The following CADPS2 variants were observed in gnomAD, a reference collection of about 807,000 sequenced individuals.
The protein encoded by CADPS2 is calcium dependent secretion activator 2.
A neutral mutation model predicts 172.5 loss-of-function variants in CADPS2; 93 were observed. The ratio of observed to expected loss-of-function variants is 0.54; its 90% CI spans 0.46 to 0.64. The LOEUF is 0.64. Among genes scored for constraint, CADPS2 ranks in the 30% least tolerant of loss-of-function variants. CADPS2 has a pLI of 0.00. For missense variants in CADPS2, 1,420 were observed against 1,565.9 expected, an observed-to-expected ratio of 0.91 and a Z score of 1.57; for synonymous variants, 546 against 555.2, an observed-to-expected ratio of 0.98 and a Z score of 0.23.
chr7:122,445,593 G>T (rs1035433325), intron 15 of CADPS2, among the ~76,000 whole-genome samples: 1 of 152,140 alleles, frequency 6.6e-6, no homozygotes, highest in Non-Finnish European at 1.5e-5. Flanking sequence ...CAGGCAGGAA[G>T]ATCTCTTGAG....
intron 2 of CADPS2, among the ~76,000 whole-genome samples, chr7:122,664,188 T>C (rs1408165567): frequency 6.6e-6 from 1 of 151,864 alleles, no homozygotes; most frequent in Non-Finnish European, 1.5e-5. Flanking sequence ...ATTATTTGAG[T>C]GTGGACTTGA....
At chr7:122,373,716 A>G (rs886358819) in intron 25 of CADPS2, among the ~76,000 whole-genome samples, 6 of 152,214 alleles carry the variant, frequency 3.9e-5, no homozygotes, top group African/African-American at 1.2e-4. Context: ...GCTGACCAAT[A>G]ACAAATAAGG....
At position 122,527,617 on chromosome 7, in the gene CADPS2, A is replaced by AGAGAGAGAGAGTGT; in HGVS notation, c.1476-14303_1476-14302insACACTCTCTCTCTC. 2.8e-3 allele frequency among the ~76,000 whole-genome samples: 235 copies of AGAGAGAGAGAGTGT among 83,876 alleles called. 4 individuals are homozygous for AGAGAGAGAGAGTGT. The highest frequency in any genetic ancestry group is 4.4e-3 in the Non-Finnish European group (167 of 38,332). 55.0% of individuals were successfully genotyped at this position (83,876 alleles called of 152,430 possible). A position where few individuals can be genotyped will look rare whatever the true frequency, so the allele number is the denominator to read the frequency against. On this transcript the variant is annotated intron_variant, in intron 8 of 29. Transcript: ENST00000449022. ...GAGAGAGAGAGAGAGAGAGAGAGAGAGTGTGTGTGTGTGTGTGTGTGTGTG... is the reference window on the plus strand; with the variant it reads ...GAGAGAGAGAGAGAGAGAGAGAGAGAGAGAGAGAGAGTGTGTGTGTGTGTGTGTGTGTGTGTGTG...
chr7:122,341,777 G>T (rs956718825), intron 28 of CADPS2, among the ~76,000 whole-genome samples: 2 of 152,136 alleles, frequency 1.3e-5, no homozygotes, highest in African/African-American at 2.4e-5. Flanking sequence ...GCTTGGAAAT[G>T]ATATAGGTGA....
At chr7:122,356,932 A>G (rs557514670) in intron 27 of CADPS2, among the ~76,000 whole-genome samples, 1 of 152,266 alleles carries the variant, frequency 6.6e-6, no homozygotes, top group East Asian at 1.9e-4. Context: ...TCATTTCATT[A>G]AAGATTAGAG....
chr7:122,365,653 T>A (rs2040755568), intron 25 of CADPS2, among the ~76,000 whole-genome samples: 2 of 152,164 alleles, frequency 1.3e-5, no homozygotes, highest in Non-Finnish European at 2.9e-5. Flanking sequence ...GGTGTCGGGT[T>A]GGAATGAAAC....
At chr7:122,393,155 C>T (rs752452535) in intron 22 of CADPS2, 41 bp downstream of exon 22, 37 of 1,605,690 alleles carry the variant, frequency 2.3e-5, no homozygotes, top group Non-Finnish European at 3.1e-5. Flanking sequence ...AGGCCATGCA[C>T]CAGCTAACAC....
intron 7 of CADPS2, among the ~76,000 whole-genome samples, chr7:122,558,293 T>C (rs1167330441): frequency 4.6e-5 from 7 of 152,184 alleles, no homozygotes; most frequent in African/African-American, 1.7e-4. Context: ...AATTAAAATA[T>C]TTAACAGATA....
intron 7 of CADPS2, among the ~76,000 whole-genome samples, chr7:122,564,066 A>G (rs1324740763): frequency 6.6e-6 from 1 of 152,148 alleles, no homozygotes. Flanking sequence ...TAAAAAAACT[A>G]GAATACTTCT....
rs775823751 is a variant in CADPS2, at chr7:122,325,598, G to A, written c.3613-17C>T. 4.4e-5 allele frequency: 67 copies of A among 1,535,318 alleles called. No individual in the cohort carries two copies. Among genetic ancestry groups the A allele is most frequent in the Non-Finnish European group, 6.0e-5 (67 of 1,113,858 alleles). The stretch of plus-strand genomic sequence containing the variant: ...GTACCATTGCTAGAAGGGAGAATTG[G>A]GGCACAGGGGAGGAGAACAAAAAAA... On this transcript the variant is annotated splice_polypyrimidine_tract_variant and intron_variant, in intron 28 of 29. Transcript: ENST00000449022.
chr7:122,862,134 C>T (rs1817097505), intron 1 of CADPS2, among the ~76,000 whole-genome samples: 1 of 152,142 alleles, frequency 6.6e-6, no homozygotes, highest in African/African-American at 2.4e-5. Context: ...CTGAAGCAAG[C>T]TATAGGAAGG....
At chr7:122,584,690 T>C (rs2069376151) in intron 6 of CADPS2, among the ~76,000 whole-genome samples, 1 of 152,056 alleles carries the variant, frequency 6.6e-6, no homozygotes, top group South Asian at 2.1e-4. Context: ...CATTTGTGAC[T>C]ATAAATTTGC....
At chr7:122,539,307 A>G (rs186593148) in intron 8 of CADPS2, among the ~76,000 whole-genome samples, 28 of 152,182 alleles carry the variant, frequency 1.8e-4, no homozygotes. Flanking sequence ...GACGCCTTTC[A>G]CCATATTTTA....
chr7:122,560,355 C>T (rs550438790), intron 7 of CADPS2, among the ~76,000 whole-genome samples: 4 of 152,218 alleles, frequency 2.6e-5, no homozygotes, highest in South Asian at 4.1e-4. Context: ...TTTTGCTAAG[C>T]GTGTGTTATC....
intron 1 of CADPS2, among the ~76,000 whole-genome samples, chr7:122,791,568 G>T (rs1795301596): frequency 1.3e-5 from 2 of 152,108 alleles, no homozygotes; most frequent in African/African-American, 4.8e-5. Flanking sequence ...TATACAGGAT[G>T]CCATCAACAA....
intron 1 of CADPS2, among the ~76,000 whole-genome samples, chr7:122,767,261 C>T (rs996843640): frequency 6.6e-6 from 1 of 151,966 alleles, no homozygotes; most frequent in Non-Finnish European, 1.5e-5. Flanking sequence ...GCATTTTTTT[C>T]CTCATCTCAT....
chr7:122,638,659 A>G (rs2077305917), intron 3 of CADPS2, among the ~76,000 whole-genome samples: 2 of 152,190 alleles, frequency 1.3e-5, no homozygotes, highest in African/African-American at 2.4e-5. Flanking sequence ...TAGAGGCCCA[A>G]GGGAGTCATG....
intron 14 of CADPS2, among the ~76,000 whole-genome samples, chr7:122,470,469 T>C (rs1165346969): frequency 1.3e-5 from 2 of 151,778 alleles, no homozygotes; most frequent in Admixed American, 1.3e-4. Flanking sequence ...AGGGGAGTGA[T>C]ATGGACAGAT....
At chr7:122,367,142 T>C (rs544598270) in intron 25 of CADPS2, among the ~76,000 whole-genome samples, 2 of 152,248 alleles carry the variant, frequency 1.3e-5, no homozygotes, top group South Asian at 2.1e-4. Flanking sequence ...AACAAGTAAA[T>C]TGAGTAAGTT....
Sources: allele counts gnomAD v4.1 joint callset (sites outside exome capture counted in the v4.1 genomes callset), GRCh38; gene constraint gnomAD v4.1.1; transcripts MANE v1.5; gene names NCBI Gene and HGNC (gene_info 2026-07-23, HGNC 2026-07-21).